Variants in PPP1R9A observed in about 807,000 individuals in gnomAD.
The protein encoded by PPP1R9A is neurabin-1.
In PPP1R9A, 59 loss-of-function variants were observed where a neutral mutation model predicts 141.9. The ratio of observed to expected loss-of-function variants is 0.42; its 90% CI spans 0.34 to 0.52. The LOEUF is 0.52. Among genes scored for constraint, PPP1R9A ranks in the 20% least tolerant of loss-of-function variants. The pLI, the probability that PPP1R9A is intolerant of heterozygous loss-of-function variation, is 0.10. For missense variants in PPP1R9A, 1,444 were observed against 1,611.9 expected (o/e 0.90, Z 1.78); for synonymous variants, 500 against 569.7 (o/e 0.88, Z 1.74).
At chr7:95,054,741 G>A (rs1811286635) in intron 2 of PPP1R9A, among the ~76,000 whole-genome samples, 1 of 152,042 alleles carries the variant, frequency 6.6e-6, no homozygotes, top group Admixed American at 6.5e-5. Context: ...CCCCAGATGA[G>A]CTCTTCTTCC....
intron 2 of PPP1R9A, among the ~76,000 whole-genome samples, chr7:94,959,736 G>A (rs996502500): frequency 3.3e-5 from 5 of 151,548 alleles, no homozygotes; most frequent in Non-Finnish European, 7.4e-5. Flanking sequence ...AGGAATTATT[G>A]TCCTGTCACT....
intron 9 of PPP1R9A, 87 bp downstream of exon 9, chr7:95,247,613 C>T: frequency 1.7e-6 from 2 of 1,148,042 alleles, no homozygotes; most frequent in East Asian, 2.4e-5. Flanking sequence ...AAGGTTTTGT[C>T]CCTGTATATT....
At chr7:94,916,640 G>A (rs1156886190) in intron 2 of PPP1R9A, among the ~76,000 whole-genome samples, 3 of 152,140 alleles carry the variant, frequency 2.0e-5, no homozygotes, top group Non-Finnish European at 2.9e-5. Context: ...TCTTTGTGTG[G>A]TTTAAGTTTT....
chr7:95,244,180 A>G (rs1161038593), intron 8 of PPP1R9A, among the ~76,000 whole-genome samples: 9 of 152,242 alleles, frequency 5.9e-5, no homozygotes, highest in South Asian at 2.1e-4. Flanking sequence ...ACTTAGTAAC[A>G]CTCCAAACTT....
At chr7:95,084,991 G>C (rs1311303249) in intron 2 of PPP1R9A, among the ~76,000 whole-genome samples, 1 of 151,930 alleles carries the variant, frequency 6.6e-6, no homozygotes, top group African/African-American at 2.4e-5. Context: ...GTTAGTGTCT[G>C]TTGTCACATT....
chr7:95,060,752 G>C (rs1812118728), intron 2 of PPP1R9A, among the ~76,000 whole-genome samples: 1 of 152,188 alleles, frequency 6.6e-6, no homozygotes, highest in African/African-American at 2.4e-5. Flanking sequence ...AGAGGGGTGG[G>C]CAGTATGACC....
intron 2 of PPP1R9A, among the ~76,000 whole-genome samples, chr7:95,050,597 C>G (rs1184475803): frequency 1.3e-5 from 2 of 152,090 alleles, no homozygotes; most frequent in African/African-American, 4.8e-5. Context: ...CGTGGTGATG[C>G]ATGCCTGTAA....
intron 2 of PPP1R9A, among the ~76,000 whole-genome samples, chr7:95,097,889 T>C (rs1053664460): frequency 1.4e-4 from 22 of 152,156 alleles, no homozygotes; most frequent in Non-Finnish European, 3.1e-4. Context: ...CCACCAGGAA[T>C]TGGTTTATGC....
At chr7:95,211,625 T>C (rs550042515) in intron 7 of PPP1R9A, among the ~76,000 whole-genome samples, 1 of 152,252 alleles carries the variant, frequency 6.6e-6, no homozygotes, top group African/African-American at 2.4e-5. Flanking sequence ...TTTTACTAAC[T>C]CTGGGTCTAT....
At chr7:95,245,248 G>A (rs552871512) in intron 8 of PPP1R9A, among the ~76,000 whole-genome samples, 1 of 152,256 alleles carries the variant, frequency 6.6e-6, no homozygotes, top group South Asian at 2.1e-4. Context: ...TGGTGGGGGA[G>A]ATTAGCCCTA....
chr7:95,171,883 A>T (rs1832168265), intron 5 of PPP1R9A, among the ~76,000 whole-genome samples: 1 of 151,628 alleles, frequency 6.6e-6, no homozygotes, highest in African/African-American at 2.4e-5. Context: ...ACAAACCAAT[A>T]TTCCTCATGA....
At chr7:94,932,093 G>C (rs1391405543) in intron 2 of PPP1R9A, among the ~76,000 whole-genome samples, 1 of 152,194 alleles carries the variant, frequency 6.6e-6, no homozygotes, top group Non-Finnish European at 1.5e-5. Flanking sequence ...TTTCTCTGCT[G>C]TTATATAGAT....
intron 2 of PPP1R9A, among the ~76,000 whole-genome samples, chr7:94,935,263 TA>T (rs772754464): frequency 6.6e-6 from 1 of 152,182 alleles, no homozygotes; most frequent in Non-Finnish European, 1.5e-5. Context: ...AGCTACTACT[TA>T]AATATTATTC....
At chr7:94,961,646 A>T (rs1330639453) in intron 2 of PPP1R9A, among the ~76,000 whole-genome samples, 1 of 151,886 alleles carries the variant, frequency 6.6e-6, no homozygotes, top group Non-Finnish European at 1.5e-5. Flanking sequence ...TGAACTATTT[A>T]TATGAATTGT....
At chr7:94,962,870 G>C (rs559454763) in intron 2 of PPP1R9A, among the ~76,000 whole-genome samples, 1 of 152,188 alleles carries the variant, frequency 6.6e-6, no homozygotes, top group African/African-American at 2.4e-5. Context: ...TTCTGTATCT[G>C]TGGGTTTTGG....
chr7:95,094,981 T>A (rs1251795344), intron 2 of PPP1R9A, among the ~76,000 whole-genome samples: 1 of 151,368 alleles, frequency 6.6e-6, no homozygotes, highest in Non-Finnish European at 1.5e-5. Context: ...TGTGATTGAC[T>A]GCCCTTTCAA....
intron 2 of PPP1R9A, among the ~76,000 whole-genome samples, chr7:95,029,121 T>C (rs752449818): frequency 1.3e-5 from 2 of 152,310 alleles, no homozygotes; most frequent in East Asian, 1.9e-4. Flanking sequence ...CACTGTAGCA[T>C]TGATAAATGT....
rs1815767902 is a variant in PPP1R9A at position 95,081,177 on chromosome 7, G to T, written c.1396-30082G>T. On this transcript the variant is annotated intron_variant, in intron 2 of 19. Coordinates refer to ENST00000433360, the MANE Select transcript of PPP1R9A (RefSeq NM_001166160.2). ...CAGAAAAAAAAGCTTAAGGATATTT[G>T]TAGAAACACAAAAATAGCCAGCAGT... Among the ~76,000 whole-genome samples, 3 of 152,166 alleles carry T rather than the reference G, an allele frequency of 2.0e-5. 1 individual carries two copies. The highest frequency in any genetic ancestry group is 4.1e-4 in the South Asian group (2 of 4,820).
intron 8 of PPP1R9A, among the ~76,000 whole-genome samples, chr7:95,226,562 G>A (rs1795169682): frequency 6.6e-6 from 1 of 152,148 alleles, no homozygotes; most frequent in South Asian, 2.1e-4. Context: ...ACTTTGAACA[G>A]AGTTAATAGT....
Sources: gnomAD v4.1 joint callset for allele counts (sites outside exome capture counted in the v4.1 genomes callset) on GRCh38, gnomAD v4.1.1 for gene constraint, MANE v1.5 for transcripts, NCBI Gene and HGNC (gene_info 2026-07-23, HGNC 2026-07-21) for gene names.